OTUD7A: variants seen among roughly 807,000 people sequenced by gnomAD.
OTUD7A encodes OTU domain-containing protein 7A.
Under a neutral mutation model 65.7 loss-of-function variants are expected in OTUD7A, and 12 were observed. The observed-to-expected ratio is 0.18, with a 90% CI of 0.12 to 0.30. The LOEUF (loss-of-function observed/expected upper bound fraction) is 0.30, where lower values mean the gene tolerates loss of function less well. Ranked by LOEUF, OTUD7A falls within the 10% of genes least tolerant of loss-of-function variation. The pLI, the probability that OTUD7A is intolerant of heterozygous loss-of-function variation, is 1.00. For missense variants in OTUD7A, 1,148 were observed against 1,304.8 expected (o/e 0.88, Z 1.85); for synonymous variants, 641 against 586.3 (o/e 1.09, Z -1.35).
intron 1 of OTUD7A, among the ~76,000 whole-genome samples, chr15:31,862,240 C>T (rs917170395): frequency 1.3e-5 from 2 of 152,172 alleles, no homozygotes; most frequent in East Asian, 1.9e-4. Context: ...TAAGGAAGTA[C>T]GTTCTGTAAT....
intron 1 of OTUD7A, among the ~76,000 whole-genome samples, chr15:31,740,863 G>A (rs1894323968): frequency 6.6e-6 from 1 of 152,220 alleles, no homozygotes; most frequent in South Asian, 2.1e-4. Flanking sequence ...CATGTGAATT[G>A]TAACCAACAG....
chr15:31,843,711 C>T lies in OTUD7A; in HGVS notation c.-100+26796G>A, dbSNP rs552819419. Among the ~76,000 whole-genome samples, 10 of 152,320 alleles carry T rather than the reference C, an allele frequency of 6.6e-5. No homozygotes were observed. In the South Asian group the frequency reaches 1.0e-3, roughly 16 times the overall value. On this transcript the variant is annotated intron_variant, in intron 1 of 12. Transcript: ENST00000307050. ...GTTTTTTGTTTCATTTTTTCTGCTA[C>T]GCCTAACTCAAACTTAACAGGTTAA...
chr15:31,523,738 C>T (rs894295070), intron 8 of OTUD7A, among the ~76,000 whole-genome samples: 3 of 152,216 alleles, frequency 2.0e-5, no homozygotes, highest in African/African-American at 7.2e-5. Flanking sequence ...ACCCTGCAGC[C>T]CTCAAGCCCC....
At chr15:31,509,473 G>A (rs2041642715) in intron 8 of OTUD7A, among the ~76,000 whole-genome samples, 1 of 151,958 alleles carries the variant, frequency 6.6e-6, no homozygotes, top group Admixed American at 6.6e-5. Flanking sequence ...TAGAGATGGG[G>A]TTTCACCATG....
At chr15:31,515,572 A>G (rs2041833506) in intron 8 of OTUD7A, among the ~76,000 whole-genome samples, 2 of 150,662 alleles carry the variant, frequency 1.3e-5, no homozygotes, top group Admixed American at 6.6e-5. Context: ...CCTTCTTCCT[A>G]TCTATCTATC....
chr15:31,483,252 C>A lies in OTUD7A; in HGVS notation c.*42G>T. ...GACACCGACACAATGGAAAAGAAAT[C>A]CTCGAAGGTAGAACCTCGCCGCCCG... On this transcript the variant is annotated 3_prime_UTR_variant, in exon 13 of 13. Transcript: ENST00000307050. 1.9e-6 allele frequency: 2 copies of A among 1,066,452 alleles called. No homozygotes were observed. Among genetic ancestry groups the A allele is most frequent in the African/African-American group, 1.7e-5 (1 of 59,168 alleles). 66.1% of individuals were successfully genotyped at this position (1,066,452 alleles called of 1,614,324 possible). A position where few individuals can be genotyped will look rare whatever the true frequency, so the allele number is the denominator to read the frequency against.
intron 1 of OTUD7A, among the ~76,000 whole-genome samples, chr15:31,758,350 G>A (rs897136687): frequency 5.3e-5 from 8 of 152,244 alleles, no homozygotes; most frequent in African/African-American, 1.7e-4. Context: ...AGCCAAGAAC[G>A]GCCCTGCTGT....
intron 1 of OTUD7A, among the ~76,000 whole-genome samples, chr15:31,858,685 G>A (rs114763059): frequency 0.016 from 2,361 of 152,320 alleles, 66 homozygotes; most frequent in African/African-American, 0.053. Context: ...CAGGTTCCCC[G>A]TCTTGCCTCA....
chr15:31,510,094 T>C (rs2041660772), intron 8 of OTUD7A, among the ~76,000 whole-genome samples: 1 of 152,040 alleles, frequency 6.6e-6, no homozygotes, highest in Non-Finnish European at 1.5e-5. Context: ...TTTTTTTTTT[T>C]TTCCCTGATT....
chr15:31,582,125 G>C (rs2141185567), intron 3 of OTUD7A, among the ~76,000 whole-genome samples: 1 of 152,272 alleles, frequency 6.6e-6, no homozygotes, highest in East Asian at 1.9e-4. Context: ...AATCTCTAGT[G>C]CACGGGCAAA....
intron 1 of OTUD7A, among the ~76,000 whole-genome samples, chr15:31,806,591 A>G (rs763393020): frequency 3.5e-4 from 53 of 152,334 alleles, no homozygotes; most frequent in Non-Finnish European, 6.9e-4. Context: ...AGGACCCCCA[A>G]TGACCACTGC....
intron 5 of OTUD7A, among the ~76,000 whole-genome samples, chr15:31,540,266 C>A (rs1297149587): frequency 6.6e-6 from 1 of 152,192 alleles, no homozygotes; most frequent in Non-Finnish European, 1.5e-5. Context: ...AACCAATCAT[C>A]ACTCTTCCCA....
At chr15:31,852,747 G>A (rs1181907177) in intron 1 of OTUD7A, among the ~76,000 whole-genome samples, 1 of 152,206 alleles carries the variant, frequency 6.6e-6, no homozygotes, top group African/African-American at 2.4e-5. Context: ...ATCTAAACTA[G>A]ATAATATAGG....
At chr15:31,811,374 T>A (rs1896409985) in intron 1 of OTUD7A, among the ~76,000 whole-genome samples, 1 of 151,768 alleles carries the variant, frequency 6.6e-6, no homozygotes. Flanking sequence ...GTGATATGTA[T>A]CCATACTTGC....
chr15:31,738,761 A>G (rs1464967986), intron 1 of OTUD7A, among the ~76,000 whole-genome samples: 1 of 152,244 alleles, frequency 6.6e-6, no homozygotes, highest in East Asian at 1.9e-4. Context: ...GATAGTACGC[A>G]AAGGCACACT....
chr15:31,719,702 G>A (rs1294522513), intron 1 of OTUD7A, among the ~76,000 whole-genome samples: 1 of 152,138 alleles, frequency 6.6e-6, no homozygotes, highest in Non-Finnish European at 1.5e-5. Context: ...ACTGGATTAA[G>A]TCCCTCTGCC....
intron 1 of OTUD7A, among the ~76,000 whole-genome samples, chr15:31,826,186 G>A (rs1446849363): frequency 5.3e-5 from 8 of 152,226 alleles, no homozygotes; most frequent in African/African-American, 1.9e-4. Flanking sequence ...CCTATGCACT[G>A]CCCTAGCAGA....
In OTUD7A at chr15:31,477,955, T is replaced by C. The variant is rs1395008456; in HGVS notation, c.*5339A>G. ...GGGAAGGCCTCGTTGAAAGGTGACA[T>C]TGGAGCAAAGACTGGCAGGTAGTGA... is the stretch of plus-strand genomic sequence containing the variant. On this transcript the variant is annotated 3_prime_UTR_variant, in exon 13 of 13. Coordinates refer to ENST00000307050, the MANE Select transcript of OTUD7A (RefSeq NM_001382637.1). 3 of 152,216 alleles carry C rather than the reference T, an allele frequency of 2.0e-5. No homozygotes were observed. Among genetic ancestry groups the C allele is most frequent in the African/African-American group, 2.4e-5 (1 of 41,406 alleles). The allele number at this position is 152,216 out of a possible 1,614,324, so 9.4% of individuals were successfully genotyped here.
chr15:31,566,639 G>C (rs1244017867), intron 4 of OTUD7A, among the ~76,000 whole-genome samples: 1 of 152,124 alleles, frequency 6.6e-6, no homozygotes, highest in African/African-American at 2.4e-5. Context: ...TTGGAGGGGG[G>C]GTCTGGTGGG....
Sources: allele counts gnomAD v4.1 joint callset (sites outside exome capture counted in the v4.1 genomes callset), GRCh38; gene constraint gnomAD v4.1.1; transcripts MANE v1.5; gene names NCBI Gene and HGNC (gene_info 2026-07-23, HGNC 2026-07-21).